The following RSAD1 variants were observed in gnomAD, a reference collection of about 807,000 sequenced individuals.
The protein encoded by RSAD1 is radical S-adenosyl methionine domain-containing protein 1, mitochondrial.
RSAD1 carries 34 observed loss-of-function variants against 46.2 expected under a neutral mutation model. The observed-to-expected ratio is 0.74, with a 90% CI of 0.56 to 0.98. The LOEUF is 0.98. RSAD1 is among the 50% of genes least tolerant of loss of function. The pLI, the probability that RSAD1 is intolerant of heterozygous loss-of-function variation, is 0.00. For missense variants in RSAD1, 635 were observed against 592.3 expected, an observed-to-expected ratio of 1.07 and a Z score of -0.75; for synonymous variants, 260 against 253.5, an observed-to-expected ratio of 1.03 and a Z score of -0.24.
At chr17:50,484,294 G>A (rs539142485) in intron 7 of RSAD1, 148 bp from the exon 8 acceptor site, 11 of 644,018 alleles carry the variant, frequency 1.7e-5, no homozygotes, top group South Asian at 1.5e-4. Context: ...CTCCCTGCTG[G>A]CCCATTGGCC....
In RSAD1 at chr17:50,482,672, C is replaced by G; in HGVS notation, c.870C>G (p.Tyr290Ter). The G allele has an allele frequency of 1.2e-6, 2 of 1,614,208 alleles. No homozygotes were observed. The highest frequency in any genetic ancestry group is 8.5e-7 in the Non-Finnish European group (1 of 1,180,026). The change falls in exon 5 of 9, where the codon TAC (tyrosine) becomes TAG (stop). Residue 290 changes from tyrosine to a stop codon, truncating the protein, a stop_gained. Transcript: ENST00000258955. LOFTEE classifies it high-confidence loss of function. ...CGCTCAGTACCCACAATTGGACTTA[C>G]TGGCAGTGTGGTCAGTACCTTGGCG... Reference protein sequence around the residue: ...NGALSTHNWTYWQCGQYLGVG... With the variant: ...NGALSTHNWT
At position 50,478,903 on chromosome 17, in the gene RSAD1, CGGGCTCGCGGCTGGG is replaced by C; in HGVS notation, c.20_34del (p.Arg7_Ala12delinsPro). 1 of 1,316,420 alleles carries C rather than the reference CGGGCTCGCGGCTGGG, an allele frequency of 7.6e-7. No individual in the cohort carries two copies. The highest frequency in any genetic ancestry group is 2.3e-5 in the South Asian group (1 of 44,406). The allele number at this position is 1,316,420 out of a possible 1,614,324, so 81.5% of individuals were successfully genotyped here. A position where few individuals can be genotyped will look rare whatever the true frequency, so the allele number is the denominator to read the frequency against. ...GGGCGCCATGGCGCTCCCCGGAGCC[CGGGCTCGCGGCTGGG>C]CGGCAGCAGCCAGAGCGGCCCAGAG... On this transcript the variant is annotated inframe_deletion, in exon 1 of 9. Coordinates refer to ENST00000258955, the MANE Select transcript of RSAD1 (RefSeq NM_018346.3).
At chr17:50,480,218 G>A (rs921117022) in intron 3 of RSAD1, 134 bp downstream of exon 3, 5 of 822,102 alleles carry the variant, frequency 6.1e-6, no homozygotes, top group Admixed American at 2.1e-5. Context: ...GGCCTAGTGC[G>A]ACACTTTTAT....
At chr17:50,479,067 G>A in intron 1 of RSAD1, 48 bp downstream of exon 1, 2 of 1,295,918 alleles carry the variant, frequency 1.5e-6, no homozygotes, top group Non-Finnish European at 9.8e-7. Context: ...CGCAGCCCTG[G>A]CCGTGACCGT....
intron 8 of RSAD1, 54 bp downstream of exon 8, chr17:50,484,599 C>T: frequency 6.4e-7 from 1 of 1,570,796 alleles, no homozygotes; most frequent in Admixed American, 1.7e-5. Flanking sequence ...GGAGCCCTGA[C>T]TACAGCTCTC....
At position 50,479,038 on chromosome 17, in the gene RSAD1, G is replaced by A; in HGVS notation, c.135+19G>A. The A allele has an allele frequency of 1.5e-6, 2 of 1,319,908 alleles. No homozygotes were observed. Among genetic ancestry groups the A allele is most frequent in the Non-Finnish European group, 1.9e-6 (2 of 1,038,654 alleles). 81.8% of individuals were successfully genotyped at this position (1,319,908 alleles called of 1,614,324 possible). A position where few individuals can be genotyped will look rare whatever the true frequency, so the allele number is the denominator to read the frequency against. On this transcript the variant is annotated intron_variant, in intron 1 of 8. Transcript: ENST00000258955. ...CGTACACGTGAGTAGGGGCGGGGGC[G>A]GAGCCCACGGTGTGTGGCCGCAGCC... is the stretch of plus-strand genomic sequence containing the variant.
intron 1 of RSAD1, chr17:50,479,372 C>T (rs1333922945): frequency 1.9e-6 from 1 of 517,034 alleles, no homozygotes; most frequent in East Asian, 3.4e-5. Flanking sequence ...CCAGAAAGAG[C>T]TTGGGTTGAA....
rs946745621 is a variant in RSAD1 at position 50,484,937 on chromosome 17, C to T, written c.*76C>T. The T allele has an allele frequency of 1.3e-5, 16 of 1,187,602 alleles. No individual in the cohort carries two copies. The highest frequency in any genetic ancestry group is 1.6e-5 in the Non-Finnish European group (13 of 801,772). The allele number at this position is 1,187,602 out of a possible 1,614,324, so 73.6% of individuals were successfully genotyped here. ...GGTCGGTACTGCAGACATCTCTTCT[C>T]CGTTGTCGGGTGCCGTCTCTGCTCC... On this transcript the variant is annotated 3_prime_UTR_variant, in exon 9 of 9. Transcript: ENST00000258955.
chr17:50,484,002 G>A (rs2033418471), intron 7 of RSAD1: 1 of 524,306 alleles, frequency 1.9e-6, no homozygotes, highest in Non-Finnish European at 3.3e-6. Flanking sequence ...TGCAACCTTG[G>A]ACACAAATCC....
Position 50,480,064 on chromosome 17 carries a change from A to G in RSAD1, c.454A>G (p.Arg152Gly), listed in dbSNP as rs768605096. The stretch of plus-strand genomic sequence containing the variant: ...AGAGTTCGGGGCAGCAGGGGTTAAC[A>G]GGTTGTCTATAGGCCTCCAGGTAAC... ...LAEFGAAGVN[R>G]LSIGLQSLDD... Residue 152 changes from arginine to glycine, a missense_variant, in exon 3 of 9, where the codon AGG becomes GGG. Coordinates refer to ENST00000258955, the MANE Select transcript of RSAD1 (RefSeq NM_018346.3). The G allele has an allele frequency of 6.2e-7, 1 of 1,614,060 alleles. No individual in the cohort carries two copies. Among genetic ancestry groups the G allele is most frequent in the East Asian group, 2.2e-5 (1 of 44,876 alleles).
chr17:50,484,291 C>G (rs2033422490), intron 7 of RSAD1, 151 bp from the exon 8 acceptor site: 8 of 640,028 alleles, frequency 1.2e-5, no homozygotes, highest in Middle Eastern at 4.0e-4. Context: ...CTCCTCCCTG[C>G]TGGCCCATTG....
Position 50,478,946 on chromosome 17 carries a change from G to C in RSAD1, c.62G>C (p.Arg21Pro). 7.2e-7 allele frequency: 1 copy of C among 1,387,074 alleles called. No individual in the cohort carries two copies. 85.9% of individuals were successfully genotyped at this position (1,387,074 alleles called of 1,614,324 possible). The stretch of plus-strand genomic sequence containing the variant: ...GCAGCAGCCAGAGCGGCCCAGAGGC[G>C]CCGCCGCGTGGAGAACGCAGGAGGG... ...WAAAARAAQR[R>P]RRVENAGGSP... The change falls in exon 1 of 9, where the codon CGC becomes CCC. Residue 21 changes from arginine to proline, a missense_variant. By Grantham distance (103) the Arg-to-Pro change is moderately radical (BLOSUM62 -2). Transcript: ENST00000258955.
rs932684798 is a variant in RSAD1 at position 50,482,297 on chromosome 17, G to C, written c.681G>C (p.Gln227His). ...GTGATGACCACCTCTCCCTCTACCA[G>C]CTGTCCCTGGAGCGGGGCACCGCAC... is the stretch of plus-strand genomic sequence containing the variant. ...HHCDDHLSLY[Q>H]LSLERGTALF... Residue 227 changes from glutamine (Q) to histidine (H), a missense_variant, in exon 4 of 9, where the codon CAG (glutamine) becomes CAC (histidine). Gln to His is a conservative substitution (Grantham distance 24). Coordinates refer to ENST00000258955, the MANE Select transcript of RSAD1 (RefSeq NM_018346.3). The C allele has an allele frequency of 6.2e-7, 1 of 1,606,504 alleles. No individual in the cohort carries two copies. Among genetic ancestry groups the C allele is most frequent in the African/African-American group, 1.3e-5 (1 of 74,910 alleles).
intron 5 of RSAD1, 30 bp downstream of exon 5, chr17:50,482,736 C>G (rs1187541861): frequency 6.2e-7 from 1 of 1,602,244 alleles, no homozygotes; most frequent in African/African-American, 1.3e-5. Flanking sequence ...GAAAGGGTGA[C>G]TCAGGAGAGG....
Position 50,478,893 on chromosome 17 carries a change from C to T in RSAD1, c.9C>T (p.Leu3=), listed in dbSNP as rs1039258623. ...GCGCTGCGCTGGGCGCCATGGCGCT[C>T]CCCGGAGCCCGGGCTCGCGGCTGGG... is the stretch of plus-strand genomic sequence containing the variant. MA[L]PGARARGWAA... Residue 3 remains leucine, a synonymous_variant, in exon 1 of 9, where the codon CTC becomes CTT. Coordinates refer to ENST00000258955, the MANE Select transcript of RSAD1 (RefSeq NM_018346.3). 3 of 1,311,052 alleles carry T rather than the reference C, an allele frequency of 2.3e-6. No homozygotes were observed. The highest frequency in any genetic ancestry group is 4.2e-5 in the Admixed American group (1 of 23,964). 81.2% of individuals were successfully genotyped at this position (1,311,052 alleles called of 1,614,324 possible).
chr17:50,481,010 A>G (rs1415512855), intron 3 of RSAD1, among the ~76,000 whole-genome samples: 5 of 152,206 alleles, frequency 3.3e-5, no homozygotes, highest in Admixed American at 6.5e-5. Context: ...AATCTGTAGA[A>G]ATTATTCATT....
At position 50,482,664 on chromosome 17, in the gene RSAD1, T is replaced by G. The variant is rs2033396290; in HGVS notation, c.862T>G (p.Trp288Gly). 1 of 1,614,048 alleles carries G rather than the reference T, an allele frequency of 6.2e-7. No individual in the cohort carries two copies. The highest frequency in any genetic ancestry group is 1.7e-5 in the Admixed American group (1 of 60,004). The change falls in exon 5 of 9, where the codon TGG (tryptophan) becomes GGG (glycine). Residue 288 changes from tryptophan (W) to glycine (G), a missense_variant. Trp to Gly is a radical substitution (Grantham distance 184). Coordinates refer to ENST00000258955, the MANE Select transcript of RSAD1 (RefSeq NM_018346.3). ...GCAGGGGGCGCTCAGTACCCACAAT[T>G]GGACTTACTGGCAGTGTGGTCAGTA... ...ARNGALSTHNWTYWQCGQYLG... is the reference protein window; with the variant it reads ...ARNGALSTHNGTYWQCGQYLG...
rs778646525 is a variant in RSAD1 at position 50,482,184 on chromosome 17, G to C, written c.568G>C (p.Gly190Arg). The C allele has an allele frequency of 3.8e-6, 6 of 1,578,410 alleles. No homozygotes were observed. Among genetic ancestry groups the C allele is most frequent in the Admixed American group, 1.8e-5 (1 of 55,656 alleles). ...TLAEARRLFP[G>R]RVSVDLMLGL... ...GGCAGAGGCCCGGCGCCTCTTTCCC[G>C]GGCGCGTGTCTGTAGACTTGATGCT... is the stretch of plus-strand genomic sequence containing the variant. The change falls in exon 4 of 9, where the codon GGG becomes CGG. Residue 190 changes from glycine (G) to arginine (R), a missense_variant. Gly to Arg is a moderately radical substitution (Grantham distance 125). Coordinates refer to ENST00000258955, the MANE Select transcript of RSAD1 (RefSeq NM_018346.3).
intron 3 of RSAD1, 130 bp downstream of exon 3, chr17:50,480,214 G>C: frequency 1.2e-6 from 1 of 851,966 alleles, no homozygotes; most frequent in Non-Finnish European, 1.9e-6. Context: ...GTAGGGCCTA[G>C]TGCGACACTT....
Sources: allele counts gnomAD v4.1 joint callset (sites outside exome capture counted in the v4.1 genomes callset), GRCh38; gene constraint gnomAD v4.1.1; transcripts MANE v1.5; gene names NCBI Gene and HGNC (gene_info 2026-07-23, HGNC 2026-07-21).